Variants in GEMIN6 observed in about 807,000 individuals in gnomAD.
GEMIN6 encodes the protein gem nuclear organelle associated protein 6.
Under a neutral mutation model 14.1 loss-of-function variants are expected in GEMIN6, and 13 were observed. That is an observed-to-expected ratio of 0.92 (90% CI 0.60 to 1.46). GEMIN6 has a LOEUF of 1.46. Among genes scored for constraint, GEMIN6 ranks in the 40% most tolerant of loss-of-function variants. GEMIN6 has a pLI of 0.00. For missense variants in GEMIN6, 271 were observed against 202.4 expected, an observed-to-expected ratio of 1.34 and a Z score of -2.06; for synonymous variants, 87 against 70.0, an observed-to-expected ratio of 1.24 and a Z score of -1.21.
chr2:38,779,654 ATATATATATATTT>A (rs1388130004), intron 2 of GEMIN6, among the ~76,000 whole-genome samples: 12 of 26,390 alleles, frequency 4.5e-4, no homozygotes, highest in African/African-American at 1.1e-3. Context: ...ATATATATAT[ATATATATATATTT>A]TTTTTTTTTT....
At chr2:38,780,851 ACTC>A in intron 2 of GEMIN6, among the ~76,000 whole-genome samples, 1 of 145,326 alleles carries the variant, frequency 6.9e-6, no homozygotes. Context: ...CTGGCCTTGA[ACTC>A]CTTACCTCAA....
In GEMIN6 at chr2:38,778,290, C is replaced by G. The variant is rs1046864580; in HGVS notation, c.-20+9C>G. On this transcript the variant is annotated intron_variant, in intron 1 of 2. Transcript: ENST00000281950. Reference sequence around the variant, plus strand: ...GAGGAGTTTTTTAACTGGTATTTTTCTCGTTTGTCAGGGTTAAACGTTAAG... The same window carrying G: ...GAGGAGTTTTTTAACTGGTATTTTTGTCGTTTGTCAGGGTTAAACGTTAAG... 2.6e-5 allele frequency: 4 copies of G among 152,156 alleles called. No individual in the cohort carries two copies. The allele number at this position is 152,156 out of a possible 1,614,324, so 9.4% of individuals were successfully genotyped here.
At position 38,781,731 on chromosome 2, in the gene GEMIN6, A is replaced by C; in HGVS notation, c.343A>C (p.Ile115Leu). The C allele has an allele frequency of 6.8e-6, 11 of 1,614,136 alleles. No homozygotes were observed. The highest frequency in any genetic ancestry group is 9.3e-6 in the Non-Finnish European group (11 of 1,180,024). The change falls in exon 3 of 3, where the codon ATC (isoleucine) becomes CTC (leucine). Residue 115 changes from isoleucine (I) to leucine (L), a missense_variant. Coordinates refer to ENST00000281950, the MANE Select transcript of GEMIN6 (RefSeq NM_024775.10). ...AAAGAAATGGCTTGAGAAGAACCAC[A>C]TCCCCATCACTGAACAGGGAGACGC... ...SLKKWLEKNH[I>L]PITEQGDAPR... is the part of the protein sequence containing the mutation.
chr2:38,781,586 G>A lies in GEMIN6; in HGVS notation c.198G>A (p.Gln66=). 3 of 1,614,186 alleles carry A rather than the reference G, an allele frequency of 1.9e-6. No homozygotes were observed. Among genetic ancestry groups the A allele is most frequent in the Non-Finnish European group, 2.5e-6 (3 of 1,180,022 alleles). The part of the protein sequence containing the change: ...SVTGIMGHAV[Q]TVETMNEGDH... ...CCGGAATTATGGGACATGCTGTGCA[G>A]ACTGTTGAAACTATGAATGAAGGGG... The change falls in exon 3 of 3, where the codon CAG becomes CAA. Residue 66 remains glutamine (Q), a synonymous_variant. Transcript: ENST00000281950.
chr2:38,781,534 TC>T lies in GEMIN6; in HGVS notation c.148del (p.Glu51LysfsTer7). ...PVSANIVLVN[F>X]LEDGSMSVTG... ...CTCCAAAGTATTGTCCTTGTGAACT[TC>T]CTTGAAGATGGCAGCATGTCTGTGA... On this transcript the variant is annotated frameshift_variant, in exon 3 of 3. Coordinates refer to ENST00000281950, the MANE Select transcript of GEMIN6 (RefSeq NM_024775.10). LOFTEE classifies it high-confidence loss of function. 6.2e-7 allele frequency: 1 copy of T among 1,612,668 alleles called. No homozygotes were observed. The highest frequency in any genetic ancestry group is 8.5e-7 in the Non-Finnish European group (1 of 1,179,280).
At chr2:38,779,273 C>A in intron 2 of GEMIN6, 155 bp downstream of exon 2, 1 of 769,972 alleles carries the variant, frequency 1.3e-6, no homozygotes, top group Non-Finnish European at 2.1e-6. Flanking sequence ...TACTGTCACC[C>A]AGGCTGGAAT....
At chr2:38,780,857 T>G (rs547054160) in intron 2 of GEMIN6, among the ~76,000 whole-genome samples, 13 of 151,792 alleles carry the variant, frequency 8.6e-5, no homozygotes, top group African/African-American at 2.2e-4. Context: ...TTGAACTCCT[T>G]ACCTCAAGTG....
rs535495774 is a variant in GEMIN6, at chr2:38,784,492, A to G, written c.*2600A>G. On this transcript the variant is annotated 3_prime_UTR_variant, in exon 3 of 3. Coordinates refer to ENST00000281950, the MANE Select transcript of GEMIN6 (RefSeq NM_024775.10). ...GGAGGTTGCAGTGAGCCGAGATTGT[A>G]CGCATTCCAGCTTGGGCAGCAGAAC... 6.6e-6 allele frequency: 1 copy of G among 150,758 alleles called. No individual in the cohort carries two copies. The highest frequency in any genetic ancestry group is 1.5e-5 in the Non-Finnish European group (1 of 67,872). The allele number at this position is 150,758 out of a possible 1,614,324, so 9.3% of individuals were successfully genotyped here.
rs878898594 is a variant in GEMIN6, at chr2:38,781,882, C to A, written c.494C>A (p.Ala165Asp). 3 of 1,602,956 alleles carry A rather than the reference C, an allele frequency of 1.9e-6. No homozygotes were observed. The highest frequency in any genetic ancestry group is 1.1e-5 in the South Asian group (1 of 89,944). The stretch of plus-strand genomic sequence containing the variant: ...GATCTTATTGAAGGACATCTTACAG[C>A]TTCCCAATGAGAGGCCAGGAAGTGT... Reference protein sequence around the residue: ...VQDLIEGHLTASQ With the variant: ...VQDLIEGHLTDSQ The change falls in exon 3 of 3, where the codon GCT (alanine) becomes GAT (aspartate). Residue 165 changes from alanine to aspartate, a missense_variant. Coordinates refer to ENST00000281950, the MANE Select transcript of GEMIN6 (RefSeq NM_024775.10).
At chr2:38,778,782 C>T (rs1669009076) in intron 1 of GEMIN6, among the ~76,000 whole-genome samples, 190 bp from the exon 2 acceptor site, 1 of 152,172 alleles carries the variant, frequency 6.6e-6, no homozygotes, top group Non-Finnish European at 1.5e-5. Flanking sequence ...AGCCTTTACA[C>T]GTGTTCTTTT....
In GEMIN6 at chr2:38,782,225, C is replaced by T; in HGVS notation, c.*333C>T. 1 of 181,110 alleles carries T rather than the reference C, an allele frequency of 5.5e-6. No homozygotes were observed. Among genetic ancestry groups the T allele is most frequent in the East Asian group, 1.5e-4 (1 of 6,514 alleles). The allele number at this position is 181,110 out of a possible 1,614,324, so 11.2% of individuals were successfully genotyped here. Reference sequence around the variant, plus strand: ...GTGGCGCAATCTCAGCTCAGTGCAACCTCCGCCTCCCAGGTTCAACCGATT... The same window carrying T: ...GTGGCGCAATCTCAGCTCAGTGCAATCTCCGCCTCCCAGGTTCAACCGATT... On this transcript the variant is annotated 3_prime_UTR_variant, in exon 3 of 3. Transcript: ENST00000281950.
At position 38,782,837 on chromosome 2, in the gene GEMIN6, T is replaced by C. The variant is rs1669120526; in HGVS notation, c.*945T>C. ...AATTATTGGAACACAGCATTACCTA[T>C]TGAATTACAGTTTTCTGGTTTTTTT... On this transcript the variant is annotated 3_prime_UTR_variant, in exon 3 of 3. Coordinates refer to ENST00000281950, the MANE Select transcript of GEMIN6 (RefSeq NM_024775.10). The C allele has an allele frequency of 6.6e-6, 1 of 152,174 alleles. No individual in the cohort carries two copies. The highest frequency in any genetic ancestry group is 2.4e-5 in the African/African-American group (1 of 41,374). The allele number at this position is 152,174 out of a possible 1,614,324, so 9.4% of individuals were successfully genotyped here.
At position 38,780,381 on chromosome 2, in the gene GEMIN6, T is replaced by C. The variant is rs1015360179; in HGVS notation, c.129-1136T>C. Among the ~76,000 whole-genome samples, 6 of 151,974 alleles carry C rather than the reference T, an allele frequency of 3.9e-5. No individual in the cohort carries two copies. The East Asian group carries it at 5.8e-4, about 15-fold the overall frequency. Reference sequence around the variant, plus strand: ...AATGTAACCACAAAAACTTTTTTTTTTGAGATGGAGTCTCGCTGTGTTGCC... The same window carrying C: ...AATGTAACCACAAAAACTTTTTTTTCTGAGATGGAGTCTCGCTGTGTTGCC... On this transcript the variant is annotated intron_variant, in intron 2 of 2. Coordinates refer to ENST00000281950, the MANE Select transcript of GEMIN6 (RefSeq NM_024775.10).
At position 38,781,853 on chromosome 2, in the gene GEMIN6, TCAGGATCTTATTGAAGGA is replaced by T. The variant is rs751774531; in HGVS notation, c.468_485del (p.Gln156_Gly161del). The T allele has an allele frequency of 5.6e-6, 9 of 1,612,324 alleles. No homozygotes were observed. In the African/African-American group the frequency reaches 1.1e-4, roughly 19 times the overall value. On this transcript the variant is annotated inframe_deletion, in exon 3 of 3. Coordinates refer to ENST00000281950, the MANE Select transcript of GEMIN6 (RefSeq NM_024775.10). ...CTAATGAGATTATTCTGTCGCGTGT[TCAGGATCTTATTGAAGGA>T]CATCTTACAGCTTCCCAATGAGAGG... is the stretch of plus-strand genomic sequence containing the variant.
chr2:38,780,969 GCCT>G (rs1295469095), intron 2 of GEMIN6, among the ~76,000 whole-genome samples: 1 of 108,100 alleles, frequency 9.3e-6, no homozygotes, highest in Non-Finnish European at 2.0e-5. Context: ...AGTCTACCCT[GCCT>G]TCTTCTTTTT....
intron 1 of GEMIN6, 83 bp downstream of exon 1, chr2:38,778,364 A>C (rs576688742): frequency 6.6e-6 from 1 of 152,244 alleles, no homozygotes; most frequent in Non-Finnish European, 1.5e-5. Flanking sequence ...GCTGCAGGAC[A>C]GGACCAGAAA....
At position 38,780,845 on chromosome 2, in the gene GEMIN6, C is replaced by T. The variant is rs184392042; in HGVS notation, c.129-672C>T. On this transcript the variant is annotated intron_variant, in intron 2 of 2. Coordinates refer to ENST00000281950, the MANE Select transcript of GEMIN6 (RefSeq NM_024775.10). ...GGTTTCACCATGTTGGCCAGGCTGG[C>T]CTTGAACTCCTTACCTCAAGTGATT... 9.9e-5 allele frequency among the ~76,000 whole-genome samples: 15 copies of T among 152,072 alleles called. No homozygotes were observed. The East Asian group carries it at 2.5e-3, about 25-fold the overall frequency.
rs541025076 is a variant in GEMIN6 at position 38,779,647 on chromosome 2, TATATATATATATATA to T, written c.128+530_128+544del. ...AGAAATTATTCTTACTATATATATA[TATATATATATATATA>T]TATTTTTTTTTTTTTTTTTTTTTTT... On this transcript the variant is annotated intron_variant, in intron 2 of 2. Transcript: ENST00000281950. 4.4e-3 allele frequency among the ~76,000 whole-genome samples: 129 copies of T among 29,618 alleles called. 2 individuals are homozygous for T. Among genetic ancestry groups the T allele is most frequent in the African/African-American group, 0.011 (124 of 11,714 alleles). The allele number at this position is 29,618 out of a possible 152,430, so 19.4% of individuals were successfully genotyped here.
At position 38,782,076 on chromosome 2, in the gene GEMIN6, G is replaced by C. The variant is rs1375771194; in HGVS notation, c.*184G>C. ...ATTTCCTTGGGAAATTAATGAACTAGGGCAAGTATAGCATCCCATGCATAA... is the reference window on the plus strand; with the variant it reads ...ATTTCCTTGGGAAATTAATGAACTACGGCAAGTATAGCATCCCATGCATAA... On this transcript the variant is annotated 3_prime_UTR_variant, in exon 3 of 3. Transcript: ENST00000281950. 2 of 564,186 alleles carry C rather than the reference G, an allele frequency of 3.5e-6. No homozygotes were observed. The highest frequency in any genetic ancestry group is 2.9e-5 in the East Asian group (1 of 34,094). 34.9% of individuals were successfully genotyped at this position (564,186 alleles called of 1,614,324 possible). A position where few individuals can be genotyped will look rare whatever the true frequency, so the allele number is the denominator to read the frequency against.
Sources: allele counts gnomAD v4.1 joint callset (sites outside exome capture counted in the v4.1 genomes callset), GRCh38; gene constraint gnomAD v4.1.1; transcripts MANE v1.5; gene names NCBI Gene and HGNC (gene_info 2026-07-23, HGNC 2026-07-21).